Variants in BLTP1 observed in about 807,000 individuals in gnomAD.
BLTP1 encodes fragile site-associated protein.
At chr4:122,290,908 TAAAAA>T in the BLTP1 span, 1 of 275,834 alleles carries the variant, frequency 3.6e-6, no homozygotes, top group Non-Finnish European at 5.3e-6. Flanking sequence ...AATATATAAT[TAAAAA>T]ATAAATAGAC....
At chr4:122,178,140 A>C in the BLTP1 span, 2 of 847,714 alleles carry the variant, frequency 2.4e-6, no homozygotes, top group Non-Finnish European at 2.8e-6. Flanking sequence ...GTGGAGGCAT[A>C]ATAAACCTAA....
At chr4:122,159,544 GT>G in the BLTP1 span, among the ~76,000 whole-genome samples, 1 of 151,836 alleles carries the variant, frequency 6.6e-6, no homozygotes, top group African/African-American at 2.4e-5. Flanking sequence ...GGACTTTATT[GT>G]TTTTTAGCTT....
chr4:122,272,231 A>C, the BLTP1 span: 1 of 1,613,376 alleles, frequency 6.2e-7, no homozygotes, highest in Non-Finnish European at 8.5e-7. Context: ...CAGTTTGACT[A>C]AGACTCAGAG....
At chr4:122,167,205 A>G in the BLTP1 span, among the ~76,000 whole-genome samples, 1 of 152,164 alleles carries the variant, frequency 6.6e-6, no homozygotes, top group Non-Finnish European at 1.5e-5. Context: ...GTCTATATCC[A>G]TTTATATTGA....
the BLTP1 span, among the ~76,000 whole-genome samples, chr4:122,351,531 C>A: frequency 1.6e-3 from 245 of 152,264 alleles, 1 homozygote; most frequent in African/African-American, 5.7e-3. Flanking sequence ...TTTATCCAAT[C>A]CAAAGTCACA....
chr4:122,159,176 T>G, the BLTP1 span, among the ~76,000 whole-genome samples: 5 of 152,136 alleles, frequency 3.3e-5, no homozygotes, highest in Non-Finnish European at 7.4e-5. Flanking sequence ...AATATGGTTT[T>G]TGGCTGGGCG....
the BLTP1 span, among the ~76,000 whole-genome samples, chr4:122,337,381 CT>C: frequency 1.2e-4 from 19 of 152,130 alleles, no homozygotes; most frequent in East Asian, 2.3e-3. Flanking sequence ...AATACAAAGC[CT>C]TTTTTATAAT....
At chr4:122,353,196 CTGTTA>C in the BLTP1 span, 3 of 1,596,742 alleles carry the variant, frequency 1.9e-6, no homozygotes, top group East Asian at 2.2e-5. The surrounding 1 kb of genome is among the most constrained non-coding windows in gnomAD (Gnocchi z 4.3). Flanking sequence ...CTCCTATCTT[CTGTTA>C]TGACTATAAA....
At chr4:122,298,672 T>A in the BLTP1 span, 2 of 15,374 alleles carry the variant, frequency 1.3e-4, no homozygotes, top group Middle Eastern at 0.02. Flanking sequence ...TATTTAAACA[T>A]ATAATAATAA....
the BLTP1 span, chr4:122,199,477 C>T: frequency 1.3e-6 from 2 of 1,539,838 alleles, no homozygotes; most frequent in East Asian, 2.3e-5. Context: ...TGATGATATA[C>T]ATACTTGTAT....
At chr4:122,304,595 A>T in the BLTP1 span, 1 of 270,066 alleles carries the variant, frequency 3.7e-6, no homozygotes, top group Non-Finnish European at 5.7e-6. Context: ...ATAACCTTTT[A>T]TATGCACTGG....
At chr4:122,171,113 C>T in the BLTP1 span, among the ~76,000 whole-genome samples, 7 of 152,110 alleles carry the variant, frequency 4.6e-5, no homozygotes, top group African/African-American at 1.7e-4. Flanking sequence ...AAAAATAATT[C>T]TATTTTTATA....
chr4:122,354,901 G>A, the BLTP1 span, among the ~76,000 whole-genome samples: 3 of 151,978 alleles, frequency 2.0e-5, no homozygotes, highest in Non-Finnish European at 2.9e-5. Context: ...TCCTGACCTC[G>A]TGATACACCC....
At chr4:122,211,202 G>A in the BLTP1 span, 1 of 1,004,288 alleles carries the variant, frequency 1.0e-6, no homozygotes, top group South Asian at 1.6e-5. Flanking sequence ...TATTTAAAGT[G>A]TTGAGGATAT....
chr4:122,160,136 C>T, the BLTP1 span, among the ~76,000 whole-genome samples: 9,772 of 152,198 alleles, frequency 0.064, 887 homozygotes, highest in African/African-American at 0.2. Flanking sequence ...TTGTATTTGT[C>T]GCCCATCTCT....
chr4:122,182,796 A>G, the BLTP1 span: 1 of 985,212 alleles, frequency 1.0e-6, no homozygotes, highest in African/African-American at 1.7e-5. Flanking sequence ...GCTCTACCAA[A>G]TCGATTCAAG....
At chr4:122,343,262 TTTAAATCTATTGATCTG>T in the BLTP1 span, 6 of 1,046,280 alleles carry the variant, frequency 5.7e-6, no homozygotes, top group South Asian at 1.8e-5. Context: ...GTTTTAAGGA[TTTAAATCTATTGATCTG>T]TTAAATCTAT....
the BLTP1 span, among the ~76,000 whole-genome samples, chr4:122,154,681 G>T: frequency 6.6e-6 from 1 of 152,144 alleles, no homozygotes; most frequent in Non-Finnish European, 1.5e-5. Context: ...AGACCATCCT[G>T]GCTAACATGG....
the BLTP1 span, chr4:122,339,432 C>T: frequency 1.3e-6 from 2 of 1,570,848 alleles, no homozygotes; most frequent in Admixed American, 3.4e-5. Flanking sequence ...TCTTTTATTC[C>T]TCTAGTATAA....
Sources: gnomAD v4.1 joint callset for allele counts (sites outside exome capture counted in the v4.1 genomes callset) on GRCh38, gnomAD v4.1.1 for gene constraint, Gnocchi (gnomAD v3.1) non-coding constraint, MANE v1.5 for transcripts, NCBI Gene and HGNC (gene_info 2026-07-23, HGNC 2026-07-21) for gene names.